The following EBF1 variants were observed in gnomAD, a reference collection of about 807,000 sequenced individuals.
EBF1 encodes transcription factor COE1.
EBF1 carries 10 observed loss-of-function variants against 68.4 expected under a neutral mutation model. The observed-to-expected ratio is 0.15, with a 90% CI of 0.09 to 0.25. EBF1 has a LOEUF of 0.25. EBF1 is among the 10% of genes least tolerant of loss of function. EBF1 has a pLI of 1.00. For missense variants in EBF1, 509 were observed against 794.4 expected, an observed-to-expected ratio of 0.64 and a Z score of 4.32; for synonymous variants, 298 against 299.8, an observed-to-expected ratio of 0.99 and a Z score of 0.06.
chr5:159,072,320 T>C (rs2127940664), intron 6 of EBF1, among the ~76,000 whole-genome samples: 1 of 152,348 alleles, frequency 6.6e-6, no homozygotes, highest in South Asian at 2.1e-4. Flanking sequence ...TTGGCATAAA[T>C]TATGTTGAAG....
In EBF1 at chr5:158,818,933, C is replaced by CAAA. The variant is rs397731511; in HGVS notation, c.778+4240_778+4242dup. On this transcript the variant is annotated intron_variant, in intron 8 of 15. Coordinates refer to ENST00000313708, the MANE Select transcript of EBF1 (RefSeq NM_024007.5). ...AGGATGCACATATTCAAAACAATAA[C>CAAA]AAAAAAAAAAAAAACTAGATCTAAA... 1.0e-3 allele frequency among the ~76,000 whole-genome samples: 136 copies of CAAA among 130,024 alleles called. No homozygotes were observed. The East Asian group carries it at 0.017, about 16-fold the overall frequency. 85.3% of individuals were successfully genotyped at this position (130,024 alleles called of 152,430 possible). A position where few individuals can be genotyped will look rare whatever the true frequency, so the allele number is the denominator to read the frequency against.
At chr5:158,808,438 G>A (rs1375829070) in intron 8 of EBF1, among the ~76,000 whole-genome samples, 1 of 152,120 alleles carries the variant, frequency 6.6e-6, no homozygotes, top group African/African-American at 2.4e-5. Flanking sequence ...CCACCCTCAT[G>A]AGTCTGGCCC....
chr5:158,847,056 C>A (rs1231980848), intron 6 of EBF1, among the ~76,000 whole-genome samples: 1 of 152,136 alleles, frequency 6.6e-6, no homozygotes, highest in Non-Finnish European at 1.5e-5. Context: ...CTATTCTTGG[C>A]CACTGATTTC....
chr5:158,841,895 C>T (rs1359038052), intron 6 of EBF1, among the ~76,000 whole-genome samples: 2 of 152,136 alleles, frequency 1.3e-5, no homozygotes, highest in Non-Finnish European at 2.9e-5. Context: ...TGTTTAACAC[C>T]ACACAACATT....
intron 6 of EBF1, among the ~76,000 whole-genome samples, chr5:158,924,630 A>T (rs1026784697): frequency 6.6e-6 from 1 of 151,992 alleles, no homozygotes; most frequent in African/African-American, 2.4e-5. Context: ...AGGCGGGCGG[A>T]TCACGAGGTC....
chr5:158,944,414 C>G (rs1432079058), intron 6 of EBF1, among the ~76,000 whole-genome samples: 1 of 152,162 alleles, frequency 6.6e-6, no homozygotes. Context: ...TTTTTTATGG[C>G]CACATAGTAT....
At chr5:159,092,754 A>T (rs1781885815) in intron 4 of EBF1, among the ~76,000 whole-genome samples, 1 of 152,220 alleles carries the variant, frequency 6.6e-6, no homozygotes, top group Admixed American at 6.5e-5. Context: ...ATAAACAGGC[A>T]GCTAAGAAAA....
intron 6 of EBF1, among the ~76,000 whole-genome samples, chr5:158,991,837 C>T (rs574153992): frequency 3.2e-4 from 49 of 152,254 alleles, no homozygotes; most frequent in African/African-American, 1.0e-3. Context: ...GGAGTGTTGG[C>T]ATTTGCACAA....
intron 6 of EBF1, among the ~76,000 whole-genome samples, chr5:158,898,384 T>G (rs1802586605): frequency 2.0e-5 from 3 of 152,320 alleles, no homozygotes; most frequent in Middle Eastern, 3.4e-3. Flanking sequence ...AATTACTCAT[T>G]GTAGTCAAAT....
chr5:159,054,181 G>A (rs1774325074), intron 6 of EBF1, among the ~76,000 whole-genome samples: 1 of 152,142 alleles, frequency 6.6e-6, no homozygotes, highest in Admixed American at 6.5e-5. Flanking sequence ...CATTAGCTCT[G>A]TAGTTGGTTT....
intron 10 of EBF1, among the ~76,000 whole-genome samples, chr5:158,754,989 G>A (rs994404267): frequency 2.0e-5 from 3 of 152,030 alleles, no homozygotes; most frequent in Admixed American, 1.3e-4. Context: ...ATGAGAGGTC[G>A]GGGAGATAAG....
intron 6 of EBF1, among the ~76,000 whole-genome samples, chr5:158,905,965 C>T (rs954493771): frequency 5.9e-5 from 9 of 152,068 alleles, no homozygotes; most frequent in African/African-American, 1.7e-4. Context: ...CACATGCCTT[C>T]GTTAACAGGA....
intron 5 of EBF1, among the ~76,000 whole-genome samples, chr5:159,077,364 G>A (rs887752264): frequency 2.6e-5 from 4 of 152,102 alleles, no homozygotes; most frequent in Admixed American, 1.3e-4. Context: ...GGTTGAACCC[G>A]GGAAACGGAG....
At chr5:158,961,788 G>A (rs935127887) in intron 6 of EBF1, among the ~76,000 whole-genome samples, 13 of 152,108 alleles carry the variant, frequency 8.5e-5, no homozygotes, top group East Asian at 1.9e-4. Flanking sequence ...GTAAAACTCC[G>A]ACCAGTGGAG....
At chr5:158,795,183 TG>T (rs1399115250) in intron 9 of EBF1, among the ~76,000 whole-genome samples, 4 of 152,170 alleles carry the variant, frequency 2.6e-5, no homozygotes, top group Non-Finnish European at 5.9e-5. Flanking sequence ...CTCATCTGCA[TG>T]GCCCCTCTAG....
chr5:158,918,292 A>G (rs918316706), intron 6 of EBF1, among the ~76,000 whole-genome samples: 6 of 152,204 alleles, frequency 3.9e-5, no homozygotes, highest in African/African-American at 1.4e-4. Flanking sequence ...CTCCCAAAAC[A>G]TGGCTTAAGG....
chr5:158,740,342 T>C (rs985666559), intron 10 of EBF1, among the ~76,000 whole-genome samples: 1 of 152,174 alleles, frequency 6.6e-6, no homozygotes, highest in Non-Finnish European at 1.5e-5. Flanking sequence ...GTTAATATCA[T>C]GGTTTTATGA....
chr5:158,782,707 A>T (rs959510937), intron 9 of EBF1, among the ~76,000 whole-genome samples: 3 of 152,158 alleles, frequency 2.0e-5, no homozygotes, highest in African/African-American at 7.2e-5. Flanking sequence ...TAAGTAGTTA[A>T]TGACTTACAT....
At position 158,861,445 on chromosome 5, in the gene EBF1, A is replaced by T. The variant is rs957433367; in HGVS notation, c.555-21335T>A. ...CAGGGGCATTTTCAAAAGTAAATAAATGTCCACAAAGAACAAAAAAAGATC... is the reference window on the plus strand; with the variant it reads ...CAGGGGCATTTTCAAAAGTAAATAATTGTCCACAAAGAACAAAAAAAGATC... On this transcript the variant is annotated intron_variant, in intron 6 of 15. Coordinates refer to ENST00000313708, the MANE Select transcript of EBF1 (RefSeq NM_024007.5). Among the ~76,000 whole-genome samples the T allele has an allele frequency of 7.9e-5, 12 of 152,202 alleles. 1 individual carries two copies. Among genetic ancestry groups the T allele is most frequent in the African/African-American group, 2.9e-4 (12 of 41,448 alleles).
Sources: allele counts gnomAD v4.1 joint callset (sites outside exome capture counted in the v4.1 genomes callset), GRCh38; gene constraint gnomAD v4.1.1; transcripts MANE v1.5; gene names NCBI Gene and HGNC (gene_info 2026-07-23, HGNC 2026-07-21).